RXRA: variants seen among roughly 807,000 people sequenced by gnomAD.
RXRA encodes retinoid X receptor alpha.
A neutral mutation model predicts 44.5 loss-of-function variants in RXRA; 5 were observed. The ratio of observed to expected loss-of-function variants is 0.11; its 90% confidence interval spans 0.06 to 0.24. The LOEUF (loss-of-function observed/expected upper bound fraction) is 0.24. RXRA is among the 10% of genes least tolerant of loss of function. RXRA has a pLI of 1.00. For synonymous variants in RXRA, 291 were observed against 271.4 expected (o/e 1.07, Z -0.71); for missense variants, 412 against 646.5 (o/e 0.64, Z 3.93).
At chr9:134,389,265 C>G (rs980687668) in intron 1 of RXRA, among the ~76,000 whole-genome samples, 1 of 152,202 alleles carries the variant, frequency 6.6e-6, no homozygotes, top group Admixed American at 6.5e-5. Context: ...GCTGGGTTCC[C>G]TGCACACGTG....
chr9:134,385,746 G>T (rs191761587), intron 1 of RXRA, among the ~76,000 whole-genome samples: 2 of 152,252 alleles, frequency 1.3e-5, no homozygotes, highest in Non-Finnish European at 2.9e-5. Context: ...CCTGCATGCC[G>T]GCTGGCACCA....
At chr9:134,428,289 G>A (rs1356575011) in intron 6 of RXRA, among the ~76,000 whole-genome samples, 1 of 141,096 alleles carries the variant, frequency 7.1e-6, no homozygotes. Flanking sequence ...CCCCCACTAT[G>A]TTGAGGGGCT....
intron 6 of RXRA, chr9:134,425,387 C>G: frequency 1.0e-6 from 1 of 985,212 alleles, no homozygotes. Context: ...TAAACTGAGA[C>G]AGGGCCGGGT....
chr9:134,370,813 G>A (rs1450859746), intron 1 of RXRA, among the ~76,000 whole-genome samples: 22 of 152,252 alleles, frequency 1.4e-4, no homozygotes, highest in South Asian at 2.1e-4. Context: ...GGGGTTGGAG[G>A]TGGTGTGGAC....
At chr9:134,413,968 T>C (rs1825841231) in intron 4 of RXRA, among the ~76,000 whole-genome samples, 1 of 152,194 alleles carries the variant, frequency 6.6e-6, no homozygotes, top group South Asian at 2.1e-4. Flanking sequence ...CGCCACGCTC[T>C]GGTCTGGAGG....
In RXRA at chr9:134,366,487, C is replaced by T. The variant is rs1340154297; in HGVS notation, c.29-35145C>T. 2.0e-5 allele frequency among the ~76,000 whole-genome samples: 3 copies of T among 152,154 alleles called. No homozygotes were observed. The highest frequency in any genetic ancestry group is 4.8e-5 in the African/African-American group (2 of 41,420). ...CGGTGGCAGAGTGGCCTGGCCACGGCGAGCTCCTGGCGGGAGTCCCCCTCC... is the reference window on the plus strand; with the variant it reads ...CGGTGGCAGAGTGGCCTGGCCACGGTGAGCTCCTGGCGGGAGTCCCCCTCC... On this transcript the variant is annotated intron_variant, in intron 1 of 9. Coordinates refer to ENST00000481739, the MANE Select transcript of RXRA (RefSeq NM_002957.6). This position sits in a 1 kb window ranked among gnomAD's most constrained non-coding sequence, Gnocchi z 5.9.
chr9:134,415,781 G>A (rs1831223981), intron 4 of RXRA, among the ~76,000 whole-genome samples: 1 of 152,208 alleles, frequency 6.6e-6, no homozygotes, highest in South Asian at 2.1e-4. Flanking sequence ...AGGAGATACG[G>A]TGGGAAGGGC....
At chr9:134,410,613 A>G (rs1020090608) in intron 4 of RXRA, among the ~76,000 whole-genome samples, 1 of 152,178 alleles carries the variant, frequency 6.6e-6, no homozygotes, top group Non-Finnish European at 1.5e-5. Context: ...AAACTGGGAC[A>G]GGGGCAGGCA....
intron 8 of RXRA, 72 bp from the exon 9 acceptor site, chr9:134,434,030 C>T (rs1177943152): frequency 2.6e-6 from 3 of 1,165,550 alleles, no homozygotes; most frequent in Non-Finnish European, 3.8e-6. Context: ...CCCACACAAG[C>T]CTGGGTCCTG....
At chr9:134,392,794 C>T (rs957862387) in intron 1 of RXRA, among the ~76,000 whole-genome samples, 2 of 152,094 alleles carry the variant, frequency 1.3e-5, no homozygotes, top group African/African-American at 2.4e-5. Context: ...TCATTTTGGC[C>T]GTGCGGGTTG....
chr9:134,327,501 G>A (rs1834934924), intron 1 of RXRA, among the ~76,000 whole-genome samples: 1 of 152,168 alleles, frequency 6.6e-6, no homozygotes, highest in South Asian at 2.1e-4. Flanking sequence ...AGAAGGGGGA[G>A]ACTTTATAAA....
In RXRA at chr9:134,439,546, G is replaced by GT. The variant is rs1246253874; in HGVS notation, c.*2935dup. 6.6e-6 allele frequency: 1 copy of GT among 152,456 alleles called. No individual in the cohort carries two copies. The highest frequency in any genetic ancestry group is 1.9e-4 in the East Asian group (1 of 5,186). The allele number at this position is 152,456 out of a possible 1,614,324, so 9.4% of individuals were successfully genotyped here. Reference sequence around the variant, plus strand: ...TGACCTTCGGTTTTCCGAGCACGGTGTTTCCCAAGAATTCTGGGCTGGCGG... The same window carrying GT: ...TGACCTTCGGTTTTCCGAGCACGGTGTTTTCCCAAGAATTCTGGGCTGGCGG... On this transcript the variant is annotated 3_prime_UTR_variant, in exon 10 of 10. Transcript: ENST00000481739.
intron 1 of RXRA, among the ~76,000 whole-genome samples, chr9:134,353,227 G>T (rs1424945076): frequency 6.6e-6 from 1 of 152,116 alleles, no homozygotes; most frequent in Non-Finnish European, 1.5e-5. Context: ...AGCTCTCCCG[G>T]CTGTGGAGGA....
intron 1 of RXRA, among the ~76,000 whole-genome samples, chr9:134,384,639 C>G (rs1830692772): frequency 6.6e-6 from 1 of 152,088 alleles, no homozygotes; most frequent in Admixed American, 6.5e-5. Context: ...GGGGCAGGGG[C>G]CAGAGCTGGA....
intron 1 of RXRA, among the ~76,000 whole-genome samples, chr9:134,398,306 G>A (rs1564284843): frequency 6.6e-6 from 1 of 152,182 alleles, no homozygotes; most frequent in Non-Finnish European, 1.5e-5. Context: ...TAAGAATAAC[G>A]CCTATGGTAG....
At chr9:134,336,680 T>C (rs1830011693) in intron 1 of RXRA, among the ~76,000 whole-genome samples, 1 of 152,230 alleles carries the variant, frequency 6.6e-6, no homozygotes, top group Non-Finnish European at 1.5e-5. Context: ...GAGCTGGCTC[T>C]GGATCTTTGT....
chr9:134,326,687 C>A, intron 1 of RXRA, 28 bp downstream of exon 1: 4 of 772,220 alleles, frequency 5.2e-6, no homozygotes, highest in Non-Finnish European at 6.2e-6. Context: ...CGGGCGGGGA[C>A]GGGGCCGGGG....
intron 1 of RXRA, among the ~76,000 whole-genome samples, chr9:134,375,097 T>C (rs768695096): frequency 1.4e-4 from 21 of 152,158 alleles, no homozygotes; most frequent in Middle Eastern, 3.2e-3. Flanking sequence ...TGAGAGACTC[T>C]GGGAAGGCTT....
intron 1 of RXRA, among the ~76,000 whole-genome samples, chr9:134,362,298 G>A (rs762504596): frequency 6.6e-6 from 1 of 152,138 alleles, no homozygotes; most frequent in Non-Finnish European, 1.5e-5. Flanking sequence ...CTCCCTGCCT[G>A]GTCGCCCCTC....
Sources: gnomAD v4.1 joint callset for allele counts (sites outside exome capture counted in the v4.1 genomes callset) on GRCh38, gnomAD v4.1.1 for gene constraint, Gnocchi (gnomAD v3.1) non-coding constraint, MANE v1.5 for transcripts, NCBI Gene and HGNC (gene_info 2026-07-23, HGNC 2026-07-21) for gene names.